Variants in VNN2 observed in about 807,000 individuals in gnomAD.
VNN2 encodes the protein pantetheine hydrolase VNN2.
VNN2 carries 43 observed loss-of-function variants against 43.0 expected under a neutral mutation model. The observed-to-expected ratio is 1.00, with a 90% CI of 0.78 to 1.29. The LOEUF (loss-of-function observed/expected upper bound fraction) is 1.29, where lower values mean the gene tolerates loss of function less well. VNN2 is among the 50% of genes most tolerant of loss of function. The pLI is 0.00. For synonymous variants in VNN2, 230 were observed against 224.3 expected, an observed-to-expected ratio of 1.03 and a Z score of -0.23; for missense variants, 652 against 619.7, an observed-to-expected ratio of 1.05 and a Z score of -0.55.
In VNN2 at chr6:132,744,117, A is replaced by T; in HGVS notation, c.*183T>A. On this transcript the variant is annotated 3_prime_UTR_variant, in exon 7 of 7. Transcript: ENST00000326499. ...GTTCCACACTGCAACATTTCAGAGT[A>T]GCCAAAAAAATGGACAACATTATCA... 2.0e-6 allele frequency: 1 copy of T among 502,384 alleles called. No homozygotes were observed. The highest frequency in any genetic ancestry group is 3.3e-6 in the Non-Finnish European group (1 of 302,746). The allele number at this position is 502,384 out of a possible 1,614,324, so 31.1% of individuals were successfully genotyped here.
At chr6:132,760,083 C>T (rs1294222056), upstream of VNN2, among the ~76,000 whole-genome samples, 1 of 152,196 alleles carries the variant, frequency 6.6e-6, no homozygotes, top group Non-Finnish European at 1.5e-5. Flanking sequence ...CAGAGTCTTT[C>T]CTTTATACCT....
intron 6 of VNN2, among the ~76,000 whole-genome samples, chr6:132,746,445 T>C (rs956786645): frequency 4.6e-5 from 7 of 152,214 alleles, no homozygotes; most frequent in Non-Finnish European, 8.8e-5. Context: ...TTCAATATTA[T>C]GACTGCTGTT....
chr6:132,751,019 G>C, intron 5 of VNN2, 126 bp downstream of exon 5: 3 of 1,105,462 alleles, frequency 2.7e-6, no homozygotes, highest in Non-Finnish European at 3.9e-6. Flanking sequence ...TGTTGTGTGT[G>C]TGTGTGTTGC....
chr6:132,747,959 A>C (rs1160563163), intron 6 of VNN2, among the ~76,000 whole-genome samples: 4 of 152,186 alleles, frequency 2.6e-5, no homozygotes, highest in Non-Finnish European at 5.9e-5. Context: ...AAGTAGTTTC[A>C]TCAGGTAAAT....
At chr6:132,756,742 C>G (rs1257912606) in intron 2 of VNN2, among the ~76,000 whole-genome samples, 1 of 152,212 alleles carries the variant, frequency 6.6e-6, no homozygotes, top group Admixed American at 6.5e-5. Flanking sequence ...CTAAACTCTT[C>G]TCTAACTCAC....
intron 6 of VNN2, among the ~76,000 whole-genome samples, chr6:132,747,980 A>G (rs374032374): frequency 6.6e-6 from 1 of 152,188 alleles, no homozygotes; most frequent in Non-Finnish European, 1.5e-5. Flanking sequence ...GTTCAGTCCT[A>G]CTATGGGACA....
chr6:132,751,245 C>G lies in VNN2; in HGVS notation c.1100G>C (p.Cys367Ser). Residue 367 changes from cysteine to serine, a missense_variant, in exon 5 of 7, where the codon TGT becomes TCT. Transcript: ENST00000326499. ...TTGTAACATTCTGTAGCTTAAATGA[C>G]AGCAAAGCTCCTTTTGACAGACTGT... Reference protein sequence around the residue: ...NLTVCQKELCCHLSYRMLQKE... With the variant: ...NLTVCQKELCSHLSYRMLQKE... 4 of 1,614,144 alleles carry G rather than the reference C, an allele frequency of 2.5e-6. No homozygotes were observed. The highest frequency in any genetic ancestry group is 3.4e-6 in the Non-Finnish European group (4 of 1,180,032).
In VNN2 at chr6:132,750,995, C is replaced by CAT. The variant is rs140942858; in HGVS notation, c.1200+149_1200+150insAT. 6 of 852,830 alleles carry CAT rather than the reference C, an allele frequency of 7.0e-6. No individual in the cohort carries two copies. In the African/African-American group the frequency reaches 1.0e-4, roughly 15 times the overall value. The allele number at this position is 852,830 out of a possible 1,614,324, so 52.8% of individuals were successfully genotyped here. On this transcript the variant is annotated intron_variant, in intron 5 of 6. Coordinates refer to ENST00000326499, the MANE Select transcript of VNN2 (RefSeq NM_004665.6). ...CAGTGTATGTACGTGCATAAATGCA[C>CAT]GTGTGTGTGTGTGTGTTGTGTGTGT... is the stretch of plus-strand genomic sequence containing the variant.
chr6:132,759,425 C>G (rs576984284), upstream of VNN2, among the ~76,000 whole-genome samples: 3 of 116,346 alleles, frequency 2.6e-5, no homozygotes, highest in African/African-American at 7.2e-5. Flanking sequence ...GGCGACAGAG[C>G]GAAACTCCGT....
At chr6:132,753,538 A>G (rs1456364990) in intron 3 of VNN2, 1 of 443,920 alleles carries the variant, frequency 2.3e-6, no homozygotes, top group Non-Finnish European at 4.5e-6. Flanking sequence ...GATTCCTTCT[A>G]GGTAAACTAA....
Position 132,751,317 on chromosome 6 carries a change from C to T in VNN2, c.1028G>A (p.Arg343Lys), listed in dbSNP as rs1469893908. 6.2e-7 allele frequency: 1 copy of T among 1,614,046 alleles called. No individual in the cohort carries two copies. Among genetic ancestry groups the T allele is most frequent in the African/African-American group, 1.3e-5 (1 of 74,930 alleles). Residue 343 changes from arginine to lysine, a missense_variant, in exon 5 of 7, where the codon AGG (arginine) becomes AAG (lysine). Physicochemically the swap from Arg to Lys is conservative, Grantham distance 26. Coordinates refer to ENST00000326499, the MANE Select transcript of VNN2 (RefSeq NM_004665.6). ...QKNTFRGFIS[R>K]DGFNFTELFE... is the part of the protein sequence containing the mutation. Reference sequence around the variant, plus strand: ...AAGTTCTGTGAAGTTGAACCCATCCCTGGAAATAAATCCCCTGAAAGTGTT... The same window carrying T: ...AAGTTCTGTGAAGTTGAACCCATCCTTGGAAATAAATCCCCTGAAAGTGTT...
chr6:132,757,936 C>G (rs1780589923), upstream of VNN2: 1 of 1,483,768 alleles, frequency 6.7e-7, no homozygotes, highest in Non-Finnish European at 9.2e-7. Flanking sequence ...GTAGTATTTA[C>G]AGAGGGGAGA....
intron 3 of VNN2, among the ~76,000 whole-genome samples, chr6:132,754,556 C>T (rs150991237): frequency 4.3e-4 from 65 of 152,276 alleles, no homozygotes; most frequent in African/African-American, 1.4e-3. Flanking sequence ...GATTCTGAGG[C>T]TACAGTTTAA....
upstream of VNN2, among the ~76,000 whole-genome samples, chr6:132,759,129 C>T (rs1449354643): frequency 6.6e-6 from 1 of 152,032 alleles, no homozygotes; most frequent in Non-Finnish European, 1.5e-5. Flanking sequence ...CAAATAACAA[C>T]AATGAGTTTA....
rs777488524 is a variant in VNN2, at chr6:132,757,659, A to G, written c.213+12T>C. ...CTCGTGTACATTATGATTAACAGAA[A>G]TAAGAGAATACCTGCTCAGCTGCCT... is the stretch of plus-strand genomic sequence containing the variant. On this transcript the variant is annotated intron_variant, in intron 1 of 6. Coordinates refer to ENST00000326499, the MANE Select transcript of VNN2 (RefSeq NM_004665.6). 3 of 1,613,134 alleles carry G rather than the reference A, an allele frequency of 1.9e-6. No individual in the cohort carries two copies. The highest frequency in any genetic ancestry group is 2.2e-5 in the South Asian group (2 of 91,040).
intron 6 of VNN2, 116 bp from the exon 7 acceptor site, chr6:132,744,607 G>T: frequency 9.2e-7 from 1 of 1,083,460 alleles, no homozygotes. Flanking sequence ...TCTGATTTAG[G>T]AGGATGCAGC....
At chr6:132,754,937 G>A (rs1780360814) in intron 3 of VNN2, among the ~76,000 whole-genome samples, 1 of 152,214 alleles carries the variant, frequency 6.6e-6, no homozygotes, top group Non-Finnish European at 1.5e-5. Context: ...ATTTTGGGAG[G>A]CCAAGGTGGG....
At chr6:132,751,029 C>T in intron 5 of VNN2, 116 bp downstream of exon 5, 2 of 1,245,778 alleles carry the variant, frequency 1.6e-6, no homozygotes, top group Non-Finnish European at 2.2e-6. Context: ...GTGTGTGTTG[C>T]CATCAATGCA....
At chr6:132,745,010 G>A (rs1274866220) in intron 6 of VNN2, among the ~76,000 whole-genome samples, 2 of 152,196 alleles carry the variant, frequency 1.3e-5, no homozygotes, top group African/African-American at 4.8e-5. Flanking sequence ...GGGCTGTATG[G>A]TGGAAGACAT....
Sources: gnomAD v4.1 joint callset for allele counts (sites outside exome capture counted in the v4.1 genomes callset) on GRCh38, gnomAD v4.1.1 for gene constraint, MANE v1.5 for transcripts, NCBI Gene and HGNC (gene_info 2026-07-23, HGNC 2026-07-21) for gene names.